The following RABIF variants were observed in gnomAD, a reference collection of about 807,000 sequenced individuals.
RABIF encodes guanine nucleotide exchange factor MSS4.
RABIF carries 13 observed loss-of-function variants against 12.3 expected under a neutral mutation model. The observed-to-expected ratio is 1.06, with a 90% CI of 0.69 to 1.68. RABIF has a LOEUF of 1.68. RABIF is among the 40% of genes most tolerant of loss of function. RABIF has a pLI of 0.00. For synonymous variants in RABIF, 70 were observed against 63.3 expected, an observed-to-expected ratio of 1.11 and a Z score of -0.50; for missense variants, 153 against 158.0, an observed-to-expected ratio of 0.97 and a Z score of 0.17.
In RABIF at chr1:202,888,996, T is replaced by C; in HGVS notation, c.103A>G (p.Thr35Ala). ...ACCTGTCGGCGAGAGAAGAGAGCGG[T>C]CCCTGGCTGCAGCACCCGGGAGCCG... ...RCGSRVLQPG[T>A]ALFSRRQLFL... Residue 35 changes from threonine to alanine, a missense_variant, in exon 1 of 2, where the codon ACC becomes GCC. Coordinates refer to ENST00000367262, the MANE Select transcript of RABIF (RefSeq NM_002871.5). 6.3e-7 allele frequency: 1 copy of C among 1,586,684 alleles called. No individual in the cohort carries two copies. Among genetic ancestry groups the C allele is most frequent in the Non-Finnish European group, 8.6e-7 (1 of 1,167,176 alleles).
At chr1:202,882,739 C>T (rs1453602074) in intron 1 of RABIF, among the ~76,000 whole-genome samples, 4 of 151,988 alleles carry the variant, frequency 2.6e-5, no homozygotes, top group Non-Finnish European at 4.4e-5. Context: ...TTATTTACCA[C>T]GTGTCTACCT....
chr1:202,888,093 T>A (rs1659589223), intron 1 of RABIF, among the ~76,000 whole-genome samples: 1 of 152,202 alleles, frequency 6.6e-6, no homozygotes, highest in Non-Finnish European at 1.5e-5. Flanking sequence ...CTACTAGACA[T>A]TACACTTCAC....
Position 202,880,753 on chromosome 1 carries a change from A to G in RABIF, c.*225T>C. 1 of 1,288,610 alleles carries G rather than the reference A, an allele frequency of 7.8e-7. No individual in the cohort carries two copies. Among genetic ancestry groups the G allele is most frequent in the Non-Finnish European group, 9.9e-7 (1 of 1,013,390 alleles). The allele number at this position is 1,288,610 out of a possible 1,614,324, so 79.8% of individuals were successfully genotyped here. On this transcript the variant is annotated 3_prime_UTR_variant, in exon 2 of 2. Transcript: ENST00000367262. The stretch of plus-strand genomic sequence containing the variant: ...CACAGTGTCCCAAAACTGGGGGAAA[A>G]GGGAGCTTAGGAAATGTGATACAAA...
intron 1 of RABIF, among the ~76,000 whole-genome samples, chr1:202,885,570 T>C (rs1659549301): frequency 6.6e-6 from 1 of 152,234 alleles, no homozygotes; most frequent in Admixed American, 6.5e-5. Context: ...AAAAAAGAGC[T>C]ACCCCGAACC....
rs12087199 is a variant in RABIF, at chr1:202,885,103, A to G, written c.126+3870T>C. On this transcript the variant is annotated intron_variant, in intron 1 of 1. Coordinates refer to ENST00000367262, the MANE Select transcript of RABIF (RefSeq NM_002871.5). ...CTCTATCTCAAAAAAAAAAAAAAAA[A>G]AAAAAAAAAAGAAAAGAAAGAAAAA... is the stretch of plus-strand genomic sequence containing the variant. Among the ~76,000 whole-genome samples the G allele has an allele frequency of 6.9e-3, 231 of 33,382 alleles. 1 individual carries two copies. The highest frequency in any genetic ancestry group is 0.018 in the Non-Finnish European group (182 of 10,330). The allele number at this position is 33,382 out of a possible 152,430, so 21.9% of individuals were successfully genotyped here. A position where few individuals can be genotyped will look rare whatever the true frequency, so the allele number is the denominator to read the frequency against.
At position 202,880,776 on chromosome 1, in the gene RABIF, A is replaced by G; in HGVS notation, c.*202T>C. 7.5e-7 allele frequency: 1 copy of G among 1,341,460 alleles called. No individual in the cohort carries two copies. The highest frequency in any genetic ancestry group is 9.6e-7 in the Non-Finnish European group (1 of 1,044,444). The allele number at this position is 1,341,460 out of a possible 1,614,324, so 83.1% of individuals were successfully genotyped here. A position where few individuals can be genotyped will look rare whatever the true frequency, so the allele number is the denominator to read the frequency against. On this transcript the variant is annotated 3_prime_UTR_variant, in exon 2 of 2. Coordinates refer to ENST00000367262, the MANE Select transcript of RABIF (RefSeq NM_002871.5). The stretch of plus-strand genomic sequence containing the variant: ...AAAGGGAGCTTAGGAAATGTGATAC[A>G]AAGTGAACTAAGCAGGAGGCATGTA...
At position 202,881,145 on chromosome 1, in the gene RABIF, A is replaced by G; in HGVS notation, c.205T>C (p.Trp69Arg). 6.2e-7 allele frequency: 1 copy of G among 1,614,188 alleles called. No homozygotes were observed. The change falls in exon 2 of 2, where the codon TGG (tryptophan) becomes CGG (arginine). Residue 69 changes from tryptophan to arginine, a missense_variant. Transcript: ENST00000367262. ...NPDGDLLQEH[W>R]LVEDMFIFEN... ...AAAATGAACATGTCCTCAACCAGCC[A>G]GTGTTCCTGGAGGAGATCGCCGTCA...
At chr1:202,886,218 G>C (rs1438156643) in intron 1 of RABIF, among the ~76,000 whole-genome samples, 1 of 105,010 alleles carries the variant, frequency 9.5e-6, no homozygotes, top group South Asian at 3.7e-4. Context: ...GCTTTTGACA[G>C]AGCACAACGG....
intron 1 of RABIF, 152 bp downstream of exon 1, chr1:202,888,821 G>C (rs1047227946): frequency 1.1e-5 from 12 of 1,119,220 alleles, no homozygotes; most frequent in East Asian, 6.4e-5. Context: ...CAGGGGCGGA[G>C]CCTCGCCGAG....
chr1:202,880,733 T>C lies in RABIF; in HGVS notation c.*245A>G. On this transcript the variant is annotated 3_prime_UTR_variant, in exon 2 of 2. Transcript: ENST00000367262. ...ATGAGATTTTTGGAGGTAAGCACAG[T>C]GTCCCAAAACTGGGGGAAAAGGGAG... The C allele has an allele frequency of 8.0e-7, 1 of 1,254,920 alleles. No individual in the cohort carries two copies. Among genetic ancestry groups the C allele is most frequent in the Non-Finnish European group, 1.0e-6 (1 of 992,808 alleles). 77.7% of individuals were successfully genotyped at this position (1,254,920 alleles called of 1,614,324 possible).
At chr1:202,885,968 A>ACCCC (rs774883023) in intron 1 of RABIF, among the ~76,000 whole-genome samples, 1 of 149,844 alleles carries the variant, frequency 6.7e-6, no homozygotes, top group Non-Finnish European at 1.5e-5. Context: ...ACAACCCAAA[A>ACCCC]AAAAAAAAAC....
rs1412044879 is a variant in RABIF, at chr1:202,889,059, CGGCTG to C, written c.35_39del (p.Ser12Ter). 6.2e-7 allele frequency: 1 copy of C among 1,611,216 alleles called. No individual in the cohort carries two copies. ...AGCACCGCCTTCCGGTTTCGGCCCT[CGGCTG>C]ACACTAACTCGCTCGGCTGCTCCGC... On this transcript the variant is annotated frameshift_variant, in exon 1 of 2. Transcript: ENST00000367262. LOFTEE classifies it high-confidence loss of function.
intron 1 of RABIF, among the ~76,000 whole-genome samples, chr1:202,886,103 A>C (rs772325371): frequency 6.6e-6 from 1 of 151,962 alleles, no homozygotes; most frequent in Non-Finnish European, 1.5e-5. Context: ...AAGAAATGTA[A>C]CATATATAAT....
chr1:202,881,250 G>A (rs769586769), intron 1 of RABIF, 27 bp from the exon 2 acceptor site: 57 of 1,597,516 alleles, frequency 3.6e-5, no homozygotes, highest in Non-Finnish European at 4.5e-5. Flanking sequence ...CATAAAGAAC[G>A]CAGAAGTTGA....
At chr1:202,881,648 C>T (rs567867259) in intron 1 of RABIF, among the ~76,000 whole-genome samples, 1 of 152,308 alleles carries the variant, frequency 6.6e-6, no homozygotes, top group East Asian at 1.9e-4. Flanking sequence ...ACCTCGTGAT[C>T]TGCCTGCCTC....
intron 1 of RABIF, among the ~76,000 whole-genome samples, 191 bp downstream of exon 1, chr1:202,888,782 C>T (rs978658986): frequency 1.3e-5 from 2 of 152,232 alleles, no homozygotes; most frequent in African/African-American, 4.8e-5. Context: ...GGGGCGGGAC[C>T]CGGTTCCCTC....
chr1:202,888,007 A>G (rs1659588018), intron 1 of RABIF, among the ~76,000 whole-genome samples: 1 of 152,184 alleles, frequency 6.6e-6, no homozygotes, highest in African/African-American at 2.4e-5. Context: ...AATACCTACA[A>G]AACAACAGAC....
chr1:202,881,387 C>T (rs1426668636), intron 1 of RABIF, among the ~76,000 whole-genome samples, 164 bp from the exon 2 acceptor site: 3 of 150,684 alleles, frequency 2.0e-5, no homozygotes, highest in African/African-American at 7.3e-5. Context: ...TCTTCTTTGC[C>T]TCTGGTCTCT....
chr1:202,884,766 G>A (rs550951929), intron 1 of RABIF, among the ~76,000 whole-genome samples: 15 of 152,070 alleles, frequency 9.9e-5, no homozygotes, highest in African/African-American at 3.1e-4. Flanking sequence ...AAACCCAGTC[G>A]ACCCCTAAAT....
Sources: gnomAD v4.1 joint callset for allele counts (sites outside exome capture counted in the v4.1 genomes callset) on GRCh38, gnomAD v4.1.1 for gene constraint, MANE v1.5 for transcripts, NCBI Gene and HGNC (gene_info 2026-07-23, HGNC 2026-07-21) for gene names.